The following MAP2 variants were observed in gnomAD, a reference collection of about 807,000 sequenced individuals.
The protein encoded by MAP2 is microtubule associated protein 2.
In MAP2, 14 loss-of-function variants were observed where a neutral mutation model predicts 137.6. The ratio of observed to expected loss-of-function variants is 0.10; its 90% CI spans 0.07 to 0.16. The LOEUF is 0.16. Among genes scored for constraint, MAP2 ranks in the 10% least tolerant of loss-of-function variants. The pLI is 1.00. For missense variants in MAP2, 2,088 were observed against 2,191.5 expected (o/e 0.95, Z 0.94); for synonymous variants, 786 against 782.3 (o/e 1.00, Z -0.08).
chr2:209,696,272 A>T lies in MAP2; in HGVS notation c.4102A>T (p.Thr1368Ser). The change falls in exon 8 of 16, where the codon ACC becomes TCC. Residue 1368 changes from threonine to serine, a missense_variant. Around this residue, in one of 6 missense-constraint regions of MAP2, gnomAD observed 591 missense variants for 642.6 expected, o/e 0.92. Transcript: ENST00000682079. ...TGCACTTTCTGAATATAAGACAGAA[A>T]CCTATGACGATTACAAAGATGAGAC... is the stretch of plus-strand genomic sequence containing the variant. ...EVALSEYKTE[T>S]YDDYKDETTI... The T allele has an allele frequency of 6.2e-7, 1 of 1,606,162 alleles. No individual in the cohort carries two copies. Among genetic ancestry groups the T allele is most frequent in the Non-Finnish European group, 8.5e-7 (1 of 1,177,782 alleles).
chr2:209,693,664 G>C lies in MAP2; in HGVS notation c.1494G>C (p.Ser498=), dbSNP rs1481137621. The change falls in exon 8 of 16, where the codon TCG becomes TCC. Residue 498 remains serine (S), a synonymous_variant. Coordinates refer to ENST00000682079, the MANE Select transcript of MAP2 (RefSeq NM_001375505.1). ...CCACAGATATGTTGAAACAGGACTC[G>C]TTCCCTGTAAGTTTGGAGCAAGCAG... ...EPTTDMLKQD[S]FPVSLEQAVT... 6.2e-7 allele frequency: 1 copy of C among 1,613,648 alleles called. No individual in the cohort carries two copies. Among genetic ancestry groups the C allele is most frequent in the African/African-American group, 1.3e-5 (1 of 74,906 alleles).
At chr2:209,716,586 G>T (rs1370066249) in intron 13 of MAP2, among the ~76,000 whole-genome samples, 1 of 152,060 alleles carries the variant, frequency 6.6e-6, no homozygotes, top group Non-Finnish European at 1.5e-5. Flanking sequence ...TTTATGTGTG[G>T]CTCAAGACCA....
At chr2:209,465,852 G>A (rs13027724) in intron 1 of MAP2, among the ~76,000 whole-genome samples, 10,154 of 152,202 alleles carry the variant, frequency 0.067, 432 homozygotes, top group African/African-American at 0.11. Flanking sequence ...TCAATGGGCT[G>A]TACTTCATTT....
chr2:209,425,484 CAAAA>C (rs778019281), intron 1 of MAP2, among the ~76,000 whole-genome samples: 1 of 151,786 alleles, frequency 6.6e-6, no homozygotes, highest in Non-Finnish European at 1.5e-5. Context: ...TAGTGCAAAA[CAAAA>C]AAATATTGTT....
chr2:209,437,588 C>T (rs1050022661), intron 1 of MAP2, among the ~76,000 whole-genome samples: 4 of 151,580 alleles, frequency 2.6e-5, no homozygotes, highest in Middle Eastern at 3.4e-3. Flanking sequence ...CCTATTAAAT[C>T]AATAGTGAGA....
At chr2:209,614,814 G>A (rs1356868935) in intron 3 of MAP2, among the ~76,000 whole-genome samples, 3 of 152,164 alleles carry the variant, frequency 2.0e-5, no homozygotes, top group Non-Finnish European at 4.4e-5. Context: ...AAGTGATCAT[G>A]CATTGCCTCT....
At chr2:209,514,862 TGATA>T (rs1251452920) in intron 2 of MAP2, among the ~76,000 whole-genome samples, 4 of 152,102 alleles carry the variant, frequency 2.6e-5, no homozygotes, top group African/African-American at 9.7e-5. Flanking sequence ...TACACACATG[TGATA>T]GATAGATAAA....
At chr2:209,682,324 C>T (rs1473682577) in intron 7 of MAP2, among the ~76,000 whole-genome samples, 1 of 152,072 alleles carries the variant, frequency 6.6e-6, no homozygotes, top group Admixed American at 6.5e-5. Flanking sequence ...AAACCCGTCT[C>T]TACTAAAAAT....
At chr2:209,506,916 T>G (rs1273781741) in intron 1 of MAP2, among the ~76,000 whole-genome samples, 1 of 152,184 alleles carries the variant, frequency 6.6e-6, no homozygotes, top group Admixed American at 6.5e-5. Flanking sequence ...TTTTTCCCAG[T>G]TCTGGAAGCA....
In MAP2 at chr2:209,452,238, G is replaced by A. The variant is rs1700482717; in HGVS notation, c.-222+27962G>A. Among the ~76,000 whole-genome samples, 3 of 152,280 alleles carry A rather than the reference G, an allele frequency of 2.0e-5. No individual in the cohort carries two copies. In the South Asian group the frequency reaches 6.2e-4, roughly 32 times the overall value. The stretch of plus-strand genomic sequence containing the variant: ...TCTGTGATCTCTACAAGTAGACAGA[G>A]TAGGGGAGAGGGTTGACCTATATGC... On this transcript the variant is annotated intron_variant, in intron 1 of 15. Transcript: ENST00000682079.
chr2:209,572,914 T>TA (rs2074647324), intron 2 of MAP2, among the ~76,000 whole-genome samples: 1 of 152,218 alleles, frequency 6.6e-6, no homozygotes, highest in South Asian at 2.1e-4. Context: ...AGTTGTTCTT[T>TA]ATCACATAAA....
In MAP2 at chr2:209,695,818, T is replaced by C; in HGVS notation, c.3648T>C (p.Asp1216=). ...ETPDISITPS[D]VAEPLHETIV... is the part of the protein sequence containing the mutation. ...CAGATATATCCATCACGCCTTCTGA[T>C]GTTGCAGAGCCATTGCATGAAACGA... is the stretch of plus-strand genomic sequence containing the variant. Residue 1216 remains aspartate (D), a synonymous_variant, in exon 8 of 16, where the codon GAT becomes GAC. Coordinates refer to ENST00000682079, the MANE Select transcript of MAP2 (RefSeq NM_001375505.1). 1 of 1,614,104 alleles carries C rather than the reference T, an allele frequency of 6.2e-7. No individual in the cohort carries two copies. The highest frequency in any genetic ancestry group is 1.1e-5 in the South Asian group (1 of 91,080).
intron 1 of MAP2, among the ~76,000 whole-genome samples, chr2:209,455,641 G>T (rs948677531): frequency 3.9e-5 from 6 of 152,040 alleles, no homozygotes; most frequent in Non-Finnish European, 8.8e-5. Flanking sequence ...AAAAAACACG[G>T]CTTCATGTTC....
chr2:209,717,193 A>C (rs1268184887), intron 13 of MAP2, among the ~76,000 whole-genome samples: 2 of 152,218 alleles, frequency 1.3e-5, no homozygotes, highest in African/African-American at 4.8e-5. Context: ...ACAGTTCCAC[A>C]GGCTTAACAG....
At chr2:209,580,946 A>C (rs2076274285) in intron 3 of MAP2, among the ~76,000 whole-genome samples, 1 of 152,204 alleles carries the variant, frequency 6.6e-6, no homozygotes, top group Admixed American at 6.5e-5. Flanking sequence ...TGCTGAGAAG[A>C]AAATCAGTAA....
chr2:209,481,974 A>G (rs965618582), intron 1 of MAP2, among the ~76,000 whole-genome samples: 5 of 152,286 alleles, frequency 3.3e-5, no homozygotes, highest in South Asian at 2.1e-4. Context: ...TTATTTCAGA[A>G]TAATGTATTC....
intron 1 of MAP2, among the ~76,000 whole-genome samples, chr2:209,468,926 A>G (rs924389104): frequency 6.6e-6 from 1 of 152,140 alleles, no homozygotes; most frequent in Non-Finnish European, 1.5e-5. Flanking sequence ...ATGTGGGAAC[A>G]TTTCTCTGTG....
chr2:209,564,021 C>T (rs1220278532), intron 2 of MAP2, among the ~76,000 whole-genome samples: 1 of 152,162 alleles, frequency 6.6e-6, no homozygotes, highest in Non-Finnish European at 1.5e-5. Flanking sequence ...TTTCATTCAT[C>T]TCTCAACAGT....
At chr2:209,434,855 T>C (rs948586563) in intron 1 of MAP2, among the ~76,000 whole-genome samples, 1 of 114,690 alleles carries the variant, frequency 8.7e-6, no homozygotes, top group Non-Finnish European at 1.9e-5. Flanking sequence ...ATATGTTATA[T>C]ATATATGTTA....
Sources: gnomAD v4.1 joint callset for allele counts (sites outside exome capture counted in the v4.1 genomes callset) on GRCh38, gnomAD v4.1.1 for gene constraint, gnomAD v4.1.1 regional missense constraint, MANE v1.5 for transcripts, NCBI Gene and HGNC (gene_info 2026-07-23, HGNC 2026-07-21) for gene names.